Variants in TMC1 observed in about 807,000 individuals in gnomAD.
TMC1 encodes transmembrane channel like 1, also known as transmembrane channel-like protein 1.
In TMC1, 84 loss-of-function variants were observed where a neutral mutation model predicts 105.8. The ratio of observed to expected loss-of-function variants is 0.79; its 90% CI spans 0.67 to 0.95. The LOEUF is 0.95. Ranked by LOEUF, TMC1 falls within the 40% of genes least tolerant of loss-of-function variation. The pLI is 0.00. For missense variants in TMC1, 817 were observed against 914.1 expected, an observed-to-expected ratio of 0.89 and a Z score of 1.37; for synonymous variants, 315 against 311.5, an observed-to-expected ratio of 1.01 and a Z score of -0.12.
chr9:72,575,004 C>G (rs1006749616), intron 1 of TMC1, among the ~76,000 whole-genome samples: 17 of 152,124 alleles, frequency 1.1e-4, no homozygotes, highest in Admixed American at 1.1e-3. Flanking sequence ...GAGCTGGTGG[C>G]CAACTGTCGT....
chr9:72,735,321 T>C (rs1426816913), intron 8 of TMC1, among the ~76,000 whole-genome samples: 1 of 152,246 alleles, frequency 6.6e-6, no homozygotes, highest in East Asian at 1.9e-4. Flanking sequence ...ATATTCAAAG[T>C]TTATCCACAA....
intron 1 of TMC1, among the ~76,000 whole-genome samples, chr9:72,524,363 G>A (rs1163880572): frequency 1.3e-5 from 2 of 152,148 alleles, no homozygotes; most frequent in Non-Finnish European, 2.9e-5. Flanking sequence ...CTGAAAAACA[G>A]GATCAGTGTC....
intron 2 of TMC1, among the ~76,000 whole-genome samples, chr9:72,579,923 A>T (rs1490042311): frequency 6.6e-6 from 1 of 152,092 alleles, no homozygotes; most frequent in Admixed American, 6.5e-5. Context: ...ATAAAAATTT[A>T]AAAATAAAAT....
At position 72,607,002 on chromosome 9, in the gene TMC1, T is replaced by TATAGAG. The variant is rs372785242; in HGVS notation, c.-305-9365_-305-9364insTAGAGA. 5.2e-3 allele frequency among the ~76,000 whole-genome samples: 695 copies of TATAGAG among 134,944 alleles called. 11 individuals carry two copies. Among genetic ancestry groups the TATAGAG allele is most frequent in the African/African-American group, 0.015 (537 of 35,750 alleles). 88.5% of individuals were successfully genotyped at this position (134,944 alleles called of 152,430 possible). A position where few individuals can be genotyped will look rare whatever the true frequency, so the allele number is the denominator to read the frequency against. Reference sequence around the variant, plus strand: ...GTGTGCATATATATATATATATATATAGAGAGAGAGAGAGAGAGAGAGAGA... The same window carrying TATAGAG: ...GTGTGCATATATATATATATATATATATAGAGAGAGAGAGAGAGAGAGAGAGAGAGA... On this transcript the variant is annotated intron_variant, in intron 2 of 23. Transcript: ENST00000297784.
intron 5 of TMC1, among the ~76,000 whole-genome samples, chr9:72,650,778 G>T (rs1414472635): frequency 3.3e-5 from 5 of 150,306 alleles, no homozygotes; most frequent in African/African-American, 1.2e-4. Context: ...TGCATTAGTT[G>T]GCTAAGGATA....
At chr9:72,711,240 G>A (rs1032262051) in intron 8 of TMC1, among the ~76,000 whole-genome samples, 8 of 152,184 alleles carry the variant, frequency 5.3e-5, no homozygotes, top group African/African-American at 1.9e-4. Context: ...GTGTGCATGT[G>A]TCTTTACAGT....
intron 8 of TMC1, among the ~76,000 whole-genome samples, chr9:72,720,173 A>G (rs1449369245): frequency 2.6e-5 from 4 of 152,208 alleles, no homozygotes; most frequent in Non-Finnish European, 5.9e-5. Context: ...GAGAGGATAA[A>G]TAATTGTCAG....
chr9:72,570,676 C>CTTTTTTTTT (rs529953890), intron 1 of TMC1, among the ~76,000 whole-genome samples: 4 of 75,614 alleles, frequency 5.3e-5, no homozygotes, highest in Admixed American at 2.0e-4. Context: ...GCCAAATTTC[C>CTTTTTTTTT]TTTTTTTTTT....
intron 1 of TMC1, among the ~76,000 whole-genome samples, chr9:72,575,179 GT>G (rs751175875): frequency 1.3e-5 from 2 of 152,140 alleles, no homozygotes; most frequent in East Asian, 3.9e-4. Context: ...AGCAAATTAG[GT>G]TTTTTTGTTT....
intron 13 of TMC1, among the ~76,000 whole-genome samples, chr9:72,778,217 A>T (rs1828035466): frequency 6.6e-6 from 1 of 152,208 alleles, no homozygotes; most frequent in Admixed American, 6.5e-5. Flanking sequence ...GGCTAACAAG[A>T]TGCAGCCAGG....
chr9:72,596,542 A>T (rs1367301153), intron 2 of TMC1, among the ~76,000 whole-genome samples: 1 of 110,884 alleles, frequency 9.0e-6, no homozygotes, highest in Non-Finnish European at 2.0e-5. Context: ...TCAATTGTAA[A>T]AAAAAAAAAA....
intron 5 of TMC1, among the ~76,000 whole-genome samples, chr9:72,679,546 G>C (rs1826255675): frequency 6.6e-6 from 1 of 152,050 alleles, no homozygotes; most frequent in African/African-American, 2.4e-5. Context: ...ATTTCTCATA[G>C]TTCTGGAGGC....
At chr9:72,658,019 T>G (rs536950606) in intron 5 of TMC1, among the ~76,000 whole-genome samples, 21 of 152,318 alleles carry the variant, frequency 1.4e-4, no homozygotes, top group African/African-American at 5.1e-4. Context: ...CAGATTCATA[T>G]CTACCAGCAC....
At chr9:72,722,475 T>A (rs965959012) in intron 8 of TMC1, among the ~76,000 whole-genome samples, 7 of 152,164 alleles carry the variant, frequency 4.6e-5, no homozygotes, top group African/African-American at 1.7e-4. Context: ...AGAAATAAAA[T>A]TCAAATGAAT....
At chr9:72,624,632 ATCTC>A (rs1278570989) in intron 3 of TMC1, among the ~76,000 whole-genome samples, 4 of 152,210 alleles carry the variant, frequency 2.6e-5, no homozygotes, top group Non-Finnish European at 5.9e-5. Context: ...ACAGCAGACT[ATCTC>A]TGGCTAGAGG....
intron 2 of TMC1, among the ~76,000 whole-genome samples, chr9:72,598,153 T>A (rs1451675677): frequency 6.6e-6 from 1 of 152,230 alleles, no homozygotes; most frequent in African/African-American, 2.4e-5. Context: ...CATCTTTTGC[T>A]TTCTCCTTTA....
At chr9:72,625,343 G>T (rs1319086321) in intron 3 of TMC1, among the ~76,000 whole-genome samples, 1 of 152,148 alleles carries the variant, frequency 6.6e-6, no homozygotes, top group African/African-American at 2.4e-5. Flanking sequence ...GTTTTAGAAA[G>T]AACCTATTAT....
At chr9:72,624,548 C>T (rs1000206532) in intron 3 of TMC1, among the ~76,000 whole-genome samples, 4 of 152,162 alleles carry the variant, frequency 2.6e-5, no homozygotes, top group Non-Finnish European at 5.9e-5. Flanking sequence ...GTGTGTTGCT[C>T]ATAGTTTTCC....
At chr9:72,726,281 A>G (rs1430327052) in intron 8 of TMC1, among the ~76,000 whole-genome samples, 1 of 152,204 alleles carries the variant, frequency 6.6e-6, no homozygotes, top group Non-Finnish European at 1.5e-5. Context: ...ATATATTTAT[A>G]TATGTGTGCA....
Sources: gnomAD v4.1 joint callset for allele counts (sites outside exome capture counted in the v4.1 genomes callset) on GRCh38, gnomAD v4.1.1 for gene constraint, MANE v1.5 for transcripts, NCBI Gene and HGNC (gene_info 2026-07-23, HGNC 2026-07-21) for gene names.